Variants in FHL5 observed in about 807,000 individuals in gnomAD.
FHL5 encodes the protein four and a half LIM domains 5, also known as four and a half LIM domains protein 5.
In FHL5, 33 loss-of-function variants were observed where a neutral mutation model predicts 32.0. That is an observed-to-expected ratio of 1.03 (90% CI 0.78 to 1.38). FHL5 has a LOEUF of 1.38. Among genes scored for constraint, FHL5 ranks in the 40% most tolerant of loss-of-function variants. The probability of loss-of-function intolerance (pLI) is 0.00; values close to 1 mark genes in which losing one functional copy is unlikely to be tolerated. For synonymous variants in FHL5, 114 were observed against 113.6 expected, an observed-to-expected ratio of 1.00 and a Z score of -0.02; for missense variants, 336 against 343.9, an observed-to-expected ratio of 0.98 and a Z score of 0.18.
rs764825256 is a variant in FHL5, at chr6:96,610,555, T to C, written c.505-17T>C. The C allele has an allele frequency of 6.2e-7, 1 of 1,605,018 alleles. No individual in the cohort carries two copies. Among genetic ancestry groups the C allele is most frequent in the South Asian group, 1.1e-5 (1 of 90,586 alleles). On this transcript the variant is annotated splice_polypyrimidine_tract_variant and intron_variant, in intron 4 of 5. Coordinates refer to ENST00000450218, the MANE Select transcript of FHL5 (RefSeq NM_001322466.2). ...AATGGCTCCCATGGTCATTGCCTTTTCTGTGGTCTTTGGCAGGTGATAACT... is the reference window on the plus strand; with the variant it reads ...AATGGCTCCCATGGTCATTGCCTTTCCTGTGGTCTTTGGCAGGTGATAACT...
At chr6:96,601,663 A>T (rs1479811004) in intron 1 of FHL5, among the ~76,000 whole-genome samples, 1 of 152,252 alleles carries the variant, frequency 6.6e-6, no homozygotes, top group African/African-American at 2.4e-5. Flanking sequence ...GCCGTGTTTC[A>T]TGATGCTATT....
At chr6:96,595,865 T>C (rs1771024010) in intron 1 of FHL5, among the ~76,000 whole-genome samples, 1 of 152,050 alleles carries the variant, frequency 6.6e-6, no homozygotes, top group East Asian at 1.9e-4. Context: ...TTATTTTCCA[T>C]TTTGTATCTG....
chr6:96,563,805 T>C (rs1770296873), intron 1 of FHL5, among the ~76,000 whole-genome samples: 1 of 152,130 alleles, frequency 6.6e-6, no homozygotes, highest in Admixed American at 6.5e-5. Flanking sequence ...CACTTACAGG[T>C]TTTAAGTAAA....
At chr6:96,598,159 CACGAGTACTGCCACA>C (rs1771074232) in intron 1 of FHL5, among the ~76,000 whole-genome samples, 1 of 152,162 alleles carries the variant, frequency 6.6e-6, no homozygotes, top group African/African-American at 2.4e-5. Context: ...CTGCTGCCAC[CACGAGTACTGCCACA>C]ACTGTTTCTC....
chr6:96,570,224 T>G (rs1770446519), intron 1 of FHL5, among the ~76,000 whole-genome samples: 1 of 152,114 alleles, frequency 6.6e-6, no homozygotes, highest in African/African-American at 2.4e-5. Context: ...CTTCCTAATT[T>G]CTGAAGGATA....
In FHL5 at chr6:96,615,751, C is replaced by T. The variant is rs758026961; in HGVS notation, c.834C>T (p.Ser278=). 4 of 1,609,982 alleles carry T rather than the reference C, an allele frequency of 2.5e-6. No individual in the cohort carries two copies. Among genetic ancestry groups the T allele is most frequent in the Non-Finnish European group, 2.5e-6 (3 of 1,178,182 alleles). ...NKEIFCQKCG[S]GMDTDI ...AAATCTTCTGCCAAAAATGTGGCTC[C>T]GGAATGGACACTGACATCTAGGAGA... Residue 278 remains serine, a synonymous_variant, in exon 6 of 6, where the codon TCC becomes TCT. Coordinates refer to ENST00000450218, the MANE Select transcript of FHL5 (RefSeq NM_001322466.2).
chr6:96,592,856 C>T (rs1770950980), intron 1 of FHL5, among the ~76,000 whole-genome samples: 1 of 152,206 alleles, frequency 6.6e-6, no homozygotes, highest in Non-Finnish European at 1.5e-5. Flanking sequence ...AGTAGTTGTA[C>T]CCTGATGTGT....
intron 1 of FHL5, among the ~76,000 whole-genome samples, chr6:96,564,203 G>C (rs1770305426): frequency 6.6e-6 from 1 of 152,050 alleles, no homozygotes; most frequent in African/African-American, 2.4e-5. Context: ...AAATCCTTGA[G>C]CCATTTTAGC....
At chr6:96,563,010 AG>A (rs561888426), upstream of FHL5, 1 of 152,126 alleles carries the variant, frequency 6.6e-6, no homozygotes, top group Non-Finnish European at 1.5e-5. Context: ...AACTTTTTGG[AG>A]CTTAGCCAGA....
At chr6:96,592,229 T>C (rs1280993175) in intron 1 of FHL5, among the ~76,000 whole-genome samples, 1 of 152,096 alleles carries the variant, frequency 6.6e-6, no homozygotes, top group Non-Finnish European at 1.5e-5. Flanking sequence ...CCATAGAAGA[T>C]GGCCACACCC....
At chr6:96,581,036 C>A (rs536774180) in intron 1 of FHL5, among the ~76,000 whole-genome samples, 139 of 152,056 alleles carry the variant, frequency 9.1e-4, no homozygotes, top group Non-Finnish European at 1.8e-3. Context: ...AAAATAATTT[C>A]TTGATTCTCC....
intron 1 of FHL5, among the ~76,000 whole-genome samples, chr6:96,601,460 T>G (rs1209362883): frequency 6.6e-6 from 1 of 152,248 alleles, no homozygotes; most frequent in African/African-American, 2.4e-5. Flanking sequence ...ATATTTAGAC[T>G]TCTGATCTGA....
At position 96,593,056 on chromosome 6, in the gene FHL5, A is replaced by G. The variant is rs1770955843; in HGVS notation, c.-12-10546A>G. 2.0e-5 allele frequency among the ~76,000 whole-genome samples: 3 copies of G among 151,962 alleles called. 1 individual carries two copies. The highest frequency in any genetic ancestry group is 2.0e-4 in the Admixed American group (3 of 15,252). Reference sequence around the variant, plus strand: ...CTTAATTGTACTTTTTATACCTTTTATCATCATGCTTAATTTTATTTTCTA... The same window carrying G: ...CTTAATTGTACTTTTTATACCTTTTGTCATCATGCTTAATTTTATTTTCTA... On this transcript the variant is annotated intron_variant, in intron 1 of 5. Transcript: ENST00000450218.
chr6:96,577,945 A>C (rs543120527), intron 1 of FHL5, among the ~76,000 whole-genome samples: 1 of 151,900 alleles, frequency 6.6e-6, no homozygotes, highest in East Asian at 1.9e-4. Context: ...TTCTTTCAAA[A>C]AAAAAAAAAA....
At chr6:96,591,628 G>T (rs1322262366) in intron 1 of FHL5, among the ~76,000 whole-genome samples, 1 of 151,968 alleles carries the variant, frequency 6.6e-6, no homozygotes, top group Non-Finnish European at 1.5e-5. Context: ...TCTCTCCATT[G>T]TCTAGCTTCC....
rs1771263794 is a variant in FHL5, at chr6:96,605,826, T to C, written c.335-76T>C. On this transcript the variant is annotated intron_variant, in intron 3 of 5. Transcript: ENST00000450218. The stretch of plus-strand genomic sequence containing the variant: ...CATCTTAACTTAAAACGTTTTTAAG[T>C]AATTTGATCTGTATTTGCTTAAAAA... 4 of 1,168,988 alleles carry C rather than the reference T, an allele frequency of 3.4e-6. No homozygotes were observed. In the Admixed American group the frequency reaches 7.4e-5, roughly 22 times the overall value. 72.4% of individuals were successfully genotyped at this position (1,168,988 alleles called of 1,614,324 possible).
At chr6:96,603,916 AGCT>A in intron 2 of FHL5, 144 bp downstream of exon 2, 1 of 620,190 alleles carries the variant, frequency 1.6e-6, no homozygotes, top group South Asian at 2.0e-5. Context: ...CCAGCAGTCA[AGCT>A]CCAGCCACTA....
chr6:96,578,409 A>C (rs1381435693), intron 1 of FHL5, among the ~76,000 whole-genome samples: 1 of 152,206 alleles, frequency 6.6e-6, no homozygotes, highest in Non-Finnish European at 1.5e-5. Context: ...CCAAAACGAG[A>C]AATGTAAGTT....
chr6:96,607,250 C>A (rs1191315394), intron 4 of FHL5, among the ~76,000 whole-genome samples: 2 of 146,224 alleles, frequency 1.4e-5, no homozygotes, highest in Non-Finnish European at 2.9e-5. Flanking sequence ...CATGAGAAAG[C>A]TGAATCATGA....
Sources: allele counts gnomAD v4.1 joint callset (sites outside exome capture counted in the v4.1 genomes callset), GRCh38; gene constraint gnomAD v4.1.1; transcripts MANE v1.5; gene names NCBI Gene and HGNC (gene_info 2026-07-23, HGNC 2026-07-21).